FAM216A: variants seen among roughly 807,000 people sequenced by gnomAD.
FAM216A encodes the protein family with sequence similarity 216 member A, also known as protein FAM216A.
Under a neutral mutation model 37.6 loss-of-function variants are expected in FAM216A, and 26 were observed. The ratio of observed to expected loss-of-function variants is 0.69; its 90% CI spans 0.51 to 0.96. FAM216A has a LOEUF of 0.96. Ranked by LOEUF, FAM216A falls within the 40% of genes least tolerant of loss-of-function variation. The pLI is 0.00. For synonymous variants in FAM216A, 110 were observed against 121.7 expected (o/e 0.90, Z 0.64); for missense variants, 326 against 339.3 (o/e 0.96, Z 0.31).
intron 2 of FAM216A, among the ~76,000 whole-genome samples, chr12:110,477,681 A>G: frequency 6.7e-6 from 1 of 148,444 alleles, no homozygotes; most frequent in South Asian, 2.1e-4. Flanking sequence ...GACTAAATCC[A>G]TTATGATTAA....
At chr12:110,472,244 GAA>G (rs559243637) in intron 1 of FAM216A, among the ~76,000 whole-genome samples, 4 of 125,660 alleles carry the variant, frequency 3.2e-5, no homozygotes, top group African/African-American at 5.7e-5. Context: ...AAAGAAAAAA[GAA>G]AAAAAAAAAA....
intron 2 of FAM216A, among the ~76,000 whole-genome samples, chr12:110,474,811 G>A (rs1199030334): frequency 6.6e-6 from 1 of 150,820 alleles, no homozygotes; most frequent in Non-Finnish European, 1.5e-5. Flanking sequence ...AGACTAGCCT[G>A]ACCAACATAG....
chr12:110,468,709 C>G, upstream of FAM216A: 1 of 1,510,354 alleles, frequency 6.6e-7, no homozygotes, highest in Non-Finnish European at 8.8e-7. Flanking sequence ...GACCGCAGCG[C>G]TCCTGCCCCT....
intron 3 of FAM216A, 83 bp from the exon 4 acceptor site, chr12:110,486,242 G>GA: frequency 7.2e-7 from 1 of 1,389,714 alleles, no homozygotes; most frequent in Non-Finnish European, 9.7e-7. Flanking sequence ...CAACTCTCTT[G>GA]AACATTCATC....
intron 6 of FAM216A, among the ~76,000 whole-genome samples, chr12:110,489,276 T>A (rs1029631845): frequency 2.0e-5 from 3 of 151,964 alleles, no homozygotes; most frequent in African/African-American, 7.3e-5. Flanking sequence ...AGGCCAAGGC[T>A]GGCAGATCAC....
chr12:110,485,093 G>C lies in FAM216A; in HGVS notation c.200G>C (p.Gly67Ala). 6.2e-7 allele frequency: 1 copy of C among 1,609,728 alleles called. No individual in the cohort carries two copies. ...TTGCCTACAGATAGAATCAAAGATG[G>C]ATACAAAGTGAACTCACACATAGCT... ...NSKGSDRIKD[G>A]YKVNSHIAKL... The change falls in exon 3 of 7, where the codon GGA becomes GCA. Residue 67 changes from glycine (G) to alanine (A), a missense_variant. By Grantham distance (60) the Gly-to-Ala change is moderately conservative (BLOSUM62 0). Coordinates refer to ENST00000377673, the MANE Select transcript of FAM216A (RefSeq NM_013300.3).
At chr12:110,487,677 G>A (rs1044061650) in intron 5 of FAM216A, 184 bp from the exon 6 acceptor site, 24 of 588,956 alleles carry the variant, frequency 4.1e-5, no homozygotes, top group Admixed American at 3.3e-5. Flanking sequence ...AGCAGCATGA[G>A]TATTGAAATT....
chr12:110,480,027 CTT>C (rs199676015), intron 2 of FAM216A, among the ~76,000 whole-genome samples: 1 of 145,200 alleles, frequency 6.9e-6, no homozygotes, highest in Non-Finnish European at 1.5e-5. Flanking sequence ...CTATTTTAAT[CTT>C]TTTTTTTTTC....
At chr12:110,470,576 C>G (rs1168674267) in intron 1 of FAM216A, among the ~76,000 whole-genome samples, 2 of 151,652 alleles carry the variant, frequency 1.3e-5, no homozygotes, top group Non-Finnish European at 2.9e-5. Flanking sequence ...CTCCTGTGTT[C>G]AAGCAATTCT....
At chr12:110,474,071 C>T (rs1271419825) in intron 2 of FAM216A, among the ~76,000 whole-genome samples, 1 of 151,776 alleles carries the variant, frequency 6.6e-6, no homozygotes, top group Non-Finnish European at 1.5e-5. Flanking sequence ...TTACAGTTAC[C>T]TGGGAAAAAA....
In FAM216A at chr12:110,490,065, A is replaced by G; in HGVS notation, c.750A>G (p.Glu250=). 6.4e-7 allele frequency: 1 copy of G among 1,563,418 alleles called. No individual in the cohort carries two copies. Among genetic ancestry groups the G allele is most frequent in the South Asian group, 1.1e-5 (1 of 89,868 alleles). The change falls in exon 7 of 7, where the codon GAA becomes GAG. Residue 250 remains glutamate, a synonymous_variant. Coordinates refer to ENST00000377673, the MANE Select transcript of FAM216A (RefSeq NM_013300.3). The part of the protein sequence containing the change: ...SESHMSEEKK[E]EDLLNNFMQS... ...CACACATGAGTGAAGAAAAAAAGGA[A>G]GAAGATTTACTAAATAATTTTATGC...
chr12:110,486,730 G>A lies in FAM216A; in HGVS notation c.620+13G>A. The A allele has an allele frequency of 6.3e-7, 1 of 1,591,272 alleles. No individual in the cohort carries two copies. The highest frequency in any genetic ancestry group is 8.5e-7 in the Non-Finnish European group (1 of 1,172,130). ...GAAACAAAGAAGGGTCTGTTTCTTA[G>A]TGTAAAAGGGGGGAAATGCATCTCA... On this transcript the variant is annotated intron_variant, in intron 5 of 6. Transcript: ENST00000377673.
At chr12:110,472,398 T>A (rs2062691512) in intron 1 of FAM216A, among the ~76,000 whole-genome samples, 1 of 151,732 alleles carries the variant, frequency 6.6e-6, no homozygotes, top group Non-Finnish European at 1.5e-5. Flanking sequence ...AGACCCAGGA[T>A]AGGCATGGTG....
intron 1 of FAM216A, among the ~76,000 whole-genome samples, chr12:110,472,378 T>C (rs537650094): frequency 4.2e-4 from 64 of 152,172 alleles, no homozygotes; most frequent in Non-Finnish European, 7.2e-4. Flanking sequence ...ATTAGGAAGC[T>C]ATAAAATTAA....
At chr12:110,484,037 C>T (rs993147057) in intron 2 of FAM216A, among the ~76,000 whole-genome samples, 34 of 151,788 alleles carry the variant, frequency 2.2e-4, no homozygotes, top group Admixed American at 1.8e-3. Flanking sequence ...ATCTCTTGAG[C>T]CCAGGAGTTT....
chr12:110,470,244 G>C lies in FAM216A; in HGVS notation c.143+1226G>C, dbSNP rs185159265. Among the ~76,000 whole-genome samples the C allele has an allele frequency of 6.8e-3, 1,036 of 151,752 alleles. 1 individual carries two copies. Among genetic ancestry groups the C allele is most frequent in the Non-Finnish European group, 9.3e-3 (635 of 67,942 alleles). ...CTCTGGAGTAGCTGGGATTACAAGC[G>C]CCTGCCACCACGCCCGGCTACTTTT... On this transcript the variant is annotated intron_variant, in intron 1 of 6. Coordinates refer to ENST00000377673, the MANE Select transcript of FAM216A (RefSeq NM_013300.3).
intron 6 of FAM216A, among the ~76,000 whole-genome samples, chr12:110,489,533 A>G (rs1342605388): frequency 6.6e-6 from 1 of 151,702 alleles, no homozygotes; most frequent in Non-Finnish European, 1.5e-5. Flanking sequence ...TTGATATCCC[A>G]TCACTGTATG....
chr12:110,473,112 G>A lies in FAM216A; in HGVS notation c.178G>A (p.Gly60Ser), dbSNP rs2062696106. Residue 60 changes from glycine (G) to serine (S), a missense_variant, in exon 2 of 7, where the codon GGT (glycine) becomes AGT (serine). By Grantham distance (56) the Gly-to-Ser change is moderately conservative. Coordinates refer to ENST00000377673, the MANE Select transcript of FAM216A (RefSeq NM_013300.3). ...AGYSCYQNSK[G>S]SDRIKDGYKV... ...ATACTCTTGTTACCAGAATTCCAAA[G>A]GTTCTGGTGAGTAGTGCATATAAAG... 1 of 1,562,878 alleles carries A rather than the reference G, an allele frequency of 6.4e-7. No homozygotes were observed. Among genetic ancestry groups the A allele is most frequent in the Non-Finnish European group, 8.7e-7 (1 of 1,144,478 alleles).
chr12:110,474,449 G>A (rs1358840697), intron 2 of FAM216A, among the ~76,000 whole-genome samples: 1 of 151,934 alleles, frequency 6.6e-6, no homozygotes, highest in Non-Finnish European at 1.5e-5. Context: ...CAGTACTTTG[G>A]GAGGCCGAGG....
Sources: allele counts gnomAD v4.1 joint callset (sites outside exome capture counted in the v4.1 genomes callset), GRCh38; gene constraint gnomAD v4.1.1; transcripts MANE v1.5; gene names NCBI Gene and HGNC (gene_info 2026-07-23, HGNC 2026-07-21).